The following KCNH7 variants were observed in gnomAD, a reference collection of about 807,000 sequenced individuals.
KCNH7 encodes potassium voltage-gated channel subfamily H member 7, also known as voltage-gated inwardly rectifying potassium channel KCNH7.
In KCNH7, 49 loss-of-function variants were observed where a neutral mutation model predicts 120.8. That is an observed-to-expected ratio of 0.41 (90% CI 0.32 to 0.51). KCNH7 has a LOEUF of 0.51. KCNH7 is among the 20% of genes least tolerant of loss of function. KCNH7 has a pLI of 0.38. For synonymous variants in KCNH7, 547 were observed against 516.1 expected, an observed-to-expected ratio of 1.06 and a Z score of -0.81; for missense variants, 1,097 against 1,446.6, an observed-to-expected ratio of 0.76 and a Z score of 3.92.
chr2:162,711,939 A>G (rs1273981516), intron 2 of KCNH7, among the ~76,000 whole-genome samples: 1 of 152,140 alleles, frequency 6.6e-6, no homozygotes, highest in East Asian at 1.9e-4. Flanking sequence ...AGAAAATGAC[A>G]AAAGGAGAGC....
chr2:162,565,109 G>A (rs1693208040), intron 2 of KCNH7, among the ~76,000 whole-genome samples: 1 of 152,056 alleles, frequency 6.6e-6, no homozygotes, highest in Non-Finnish European at 1.5e-5. Context: ...ATGTCTATCT[G>A]CTGGGCTGGC....
intron 2 of KCNH7, among the ~76,000 whole-genome samples, chr2:162,751,302 G>A (rs1574340539): frequency 6.6e-6 from 1 of 152,088 alleles, no homozygotes; most frequent in Non-Finnish European, 1.5e-5. Context: ...GTTCTACTAG[G>A]AGAATGTTGT....
rs1688571092 is a variant in KCNH7 at position 162,446,266 on chromosome 2, T to C, written c.1306A>G (p.Arg436Gly). ...CATTCTCGTCTTTTCTGTTCTTCTC[T>C]GTCATTGAGGAGGAAGGCTGCAGAG... ...PYSAAFLLND[R>G]EEQKRRECGY... The change falls in exon 7 of 16, where the codon AGA becomes GGA. Residue 436 changes from arginine to glycine, a missense_variant. Physicochemically the swap from Arg to Gly is moderately radical, Grantham distance 125 (BLOSUM62 -2). Coordinates refer to ENST00000332142, the MANE Select transcript of KCNH7 (RefSeq NM_033272.4). The C allele has an allele frequency of 1.9e-6, 3 of 1,613,850 alleles. No individual in the cohort carries two copies. Among genetic ancestry groups the C allele is most frequent in the Non-Finnish European group, 2.5e-6 (3 of 1,179,892 alleles).
intron 2 of KCNH7, among the ~76,000 whole-genome samples, chr2:162,607,042 A>G (rs1481087454): frequency 6.6e-6 from 1 of 152,056 alleles, no homozygotes. Flanking sequence ...AAAAACATGT[A>G]TATATTATAA....
intron 12 of KCNH7, among the ~76,000 whole-genome samples, chr2:162,387,237 A>G (rs1686601441): frequency 2.0e-5 from 3 of 148,904 alleles, no homozygotes; most frequent in Non-Finnish European, 3.0e-5. Context: ...TCCATACTAG[A>G]TAAATTAAAG....
chr2:162,531,837 T>C (rs1461622429), intron 3 of KCNH7, among the ~76,000 whole-genome samples: 1 of 151,968 alleles, frequency 6.6e-6, no homozygotes, highest in African/African-American at 2.4e-5. Context: ...AAAATTGCTA[T>C]TAAGAAAAAT....
chr2:162,596,405 C>T (rs1251916404), intron 2 of KCNH7, among the ~76,000 whole-genome samples: 2 of 151,946 alleles, frequency 1.3e-5, no homozygotes, highest in African/African-American at 4.8e-5. Flanking sequence ...ACTTATGTAG[C>T]TATGGTCAAT....
chr2:162,655,910 A>C (rs1002611565), intron 2 of KCNH7, among the ~76,000 whole-genome samples: 1 of 152,218 alleles, frequency 6.6e-6, no homozygotes, highest in African/African-American at 2.4e-5. Context: ...AATAATGATA[A>C]TAACAATGAC....
chr2:162,482,227 A>C (rs1689953352), intron 6 of KCNH7, among the ~76,000 whole-genome samples: 2 of 152,214 alleles, frequency 1.3e-5, no homozygotes, highest in Non-Finnish European at 2.9e-5. Context: ...TGATATATAG[A>C]GAAGAGGATG....
chr2:162,554,186 CTG>C lies in KCNH7; in HGVS notation c.308-17108_308-17107del, dbSNP rs1355628198. On this transcript the variant is annotated intron_variant, in intron 2 of 15. Coordinates refer to ENST00000332142, the MANE Select transcript of KCNH7 (RefSeq NM_033272.4). ...ATCTGCCCATGCCTCTGGTGAGAAA[CTG>C]TGAATTACTTGTTTGGTAAAATCAA... 2.6e-5 allele frequency among the ~76,000 whole-genome samples: 4 copies of C among 152,160 alleles called. No individual in the cohort carries two copies. In the East Asian group the frequency reaches 7.7e-4, roughly 29 times the overall value.
intron 2 of KCNH7, among the ~76,000 whole-genome samples, chr2:162,659,530 C>T (rs572643569): frequency 6.6e-5 from 10 of 151,820 alleles, no homozygotes; most frequent in Admixed American, 2.0e-4. Flanking sequence ...TTAGTAGAGA[C>T]GAGGTTTCAC....
At chr2:162,689,766 T>C (rs913092915) in intron 2 of KCNH7, among the ~76,000 whole-genome samples, 9 of 152,152 alleles carry the variant, frequency 5.9e-5, no homozygotes, top group Non-Finnish European at 1.3e-4. Context: ...AGGCATTATG[T>C]TTGCTTTCCC....
At chr2:162,415,873 C>T (rs1687527697) in intron 9 of KCNH7, among the ~76,000 whole-genome samples, 1 of 152,114 alleles carries the variant, frequency 6.6e-6, no homozygotes, top group African/African-American at 2.4e-5. Flanking sequence ...TGTCTACATG[C>T]TTCCACTCTG....
At chr2:162,823,954 C>T (rs998251931) in intron 2 of KCNH7, among the ~76,000 whole-genome samples, 7 of 151,844 alleles carry the variant, frequency 4.6e-5, no homozygotes, top group South Asian at 2.1e-4. Flanking sequence ...CTTTTACACT[C>T]GAAATTAATT....
At chr2:162,707,105 T>C (rs1179379331) in intron 2 of KCNH7, among the ~76,000 whole-genome samples, 1 of 152,150 alleles carries the variant, frequency 6.6e-6, no homozygotes, top group Non-Finnish European at 1.5e-5. Context: ...ATTTATTCTC[T>C]GTGGATTTGG....
intron 5 of KCNH7, among the ~76,000 whole-genome samples, chr2:162,507,931 T>TCTCATGTA (rs1193427292): frequency 6.6e-6 from 1 of 151,640 alleles, no homozygotes; most frequent in African/African-American, 2.4e-5. Context: ...TGGAATACTT[T>TCTCATGTA]CTCATGTACT....
At chr2:162,726,751 A>G (rs1687541180) in intron 2 of KCNH7, among the ~76,000 whole-genome samples, 1 of 152,010 alleles carries the variant, frequency 6.6e-6, no homozygotes. Context: ...AAATTGCCCC[A>G]TTTTTGGTGT....
intron 13 of KCNH7, among the ~76,000 whole-genome samples, chr2:162,382,211 A>G (rs946819194): frequency 7.9e-5 from 12 of 152,070 alleles, no homozygotes; most frequent in African/African-American, 2.9e-4. Flanking sequence ...TTTTTTCTTC[A>G]GGGCTCAAGA....
At chr2:162,535,265 T>G (rs1479973566) in intron 3 of KCNH7, among the ~76,000 whole-genome samples, 3 of 151,704 alleles carry the variant, frequency 2.0e-5, no homozygotes, top group Non-Finnish European at 4.4e-5. Flanking sequence ...AACTATGAGA[T>G]GTACAAGATT....
Sources: allele counts gnomAD v4.1 joint callset (sites outside exome capture counted in the v4.1 genomes callset), GRCh38; gene constraint gnomAD v4.1.1; transcripts MANE v1.5; gene names NCBI Gene and HGNC (gene_info 2026-07-23, HGNC 2026-07-21).